Variants in ADGRE3 observed in about 807,000 individuals in gnomAD.
ADGRE3 encodes the protein EGF-like module receptor 3.
ADGRE3 carries 88 observed loss-of-function variants against 80.1 expected under a neutral mutation model. The observed-to-expected ratio is 1.10, with a 90% CI of 0.93 to 1.31. ADGRE3 has a LOEUF of 1.31. ADGRE3 is among the 40% of genes most tolerant of loss of function. ADGRE3 has a pLI of 0.00. For synonymous variants in ADGRE3, 281 were observed against 294.8 expected, an observed-to-expected ratio of 0.95 and a Z score of 0.48; for missense variants, 715 against 776.5, an observed-to-expected ratio of 0.92 and a Z score of 0.94.
chr19:14,641,295 G>T, intron 10 of ADGRE3, 124 bp downstream of exon 10: 1 of 1,215,042 alleles, frequency 8.2e-7, no homozygotes, highest in East Asian at 2.5e-5. Flanking sequence ...AGGGTAGCGG[G>T]AAAATTATAT....
At chr19:14,605,343 G>A in the ADGRE3 span, among the ~76,000 whole-genome samples, 1 of 151,600 alleles carries the variant, frequency 6.6e-6, no homozygotes, top group Admixed American at 6.6e-5. Flanking sequence ...TGATCCACCT[G>A]TGTTGGCCTC....
intron 10 of ADGRE3, among the ~76,000 whole-genome samples, chr19:14,639,701 C>T (rs1009388705): frequency 1.3e-5 from 2 of 152,094 alleles, no homozygotes; most frequent in Non-Finnish European, 2.9e-5. Context: ...CAGGTGTCAG[C>T]CACTGTGTCT....
intron 6 of ADGRE3, 84 bp from the exon 7 acceptor site, chr19:14,651,288 G>A: frequency 6.9e-7 from 1 of 1,455,238 alleles, no homozygotes; most frequent in Non-Finnish European, 9.6e-7. Flanking sequence ...GGTGGTGCAT[G>A]CCTGTAGTCC....
At chr19:14,617,354 C>CTTTCT (rs1568469504), downstream of ADGRE3, among the ~76,000 whole-genome samples, 1 of 82,166 alleles carries the variant, frequency 1.2e-5, no homozygotes, top group Admixed American at 1.8e-4. Context: ...TTCTTTCTTT[C>CTTTCT]TTTCTTTCTT....
At chr19:14,618,863 AAAAAAAAAT>A (rs1188507919), downstream of ADGRE3, among the ~76,000 whole-genome samples, 1,023 of 150,912 alleles carry the variant, frequency 6.8e-3, 15 homozygotes, top group African/African-American at 0.024. Context: ...AAAAAAAAAA[AAAAAAAAAT>A]TAGCCTGTAT....
chr19:14,616,239 G>C (rs1296062942), downstream of ADGRE3, among the ~76,000 whole-genome samples: 3 of 152,048 alleles, frequency 2.0e-5, no homozygotes, highest in African/African-American at 7.2e-5. Context: ...CAAAGTGCTA[G>C]GATTACAGGT....
At position 14,663,398 on chromosome 19, in the gene ADGRE3, AAAT is replaced by A; in HGVS notation, c.199+17_199+19del. Reference sequence around the variant, plus strand: ...ATGATAATAAAATAATAATAATAAAAAATAATAATACTTCTTTACCGTTACATG... The same window carrying A: ...ATGATAATAAAATAATAATAATAAAAAATAATACTTCTTTACCGTTACATG... On this transcript the variant is annotated intron_variant, in intron 3 of 15. Coordinates refer to ENST00000253673, the MANE Select transcript of ADGRE3 (RefSeq NM_032571.5). 7.0e-7 allele frequency: 1 copy of A among 1,419,428 alleles called. No homozygotes were observed. Among genetic ancestry groups the A allele is most frequent in the Non-Finnish European group, 9.4e-7 (1 of 1,067,562 alleles). 87.9% of individuals were successfully genotyped at this position (1,419,428 alleles called of 1,614,324 possible).
At chr19:14,666,312 T>G (rs1972104981) in intron 2 of ADGRE3, among the ~76,000 whole-genome samples, 1 of 151,778 alleles carries the variant, frequency 6.6e-6, no homozygotes, top group African/African-American at 2.4e-5. Flanking sequence ...GGTATTGCAT[T>G]GTGATTTCGA....
chr19:14,661,184 T>C (rs1320833794), intron 4 of ADGRE3, among the ~76,000 whole-genome samples: 6 of 152,152 alleles, frequency 3.9e-5, no homozygotes, highest in Non-Finnish European at 8.8e-5. Context: ...TCGAGTGATC[T>C]ACCCGCCTTG....
At chr19:14,666,132 C>T (rs1003291982) in intron 2 of ADGRE3, among the ~76,000 whole-genome samples, 1 of 150,740 alleles carries the variant, frequency 6.6e-6, no homozygotes, top group Admixed American at 6.6e-5. Context: ...GTGGGATTCC[C>T]GGATCAAATG....
intron 8 of ADGRE3, among the ~76,000 whole-genome samples, chr19:14,646,389 C>A (rs1298678699): frequency 6.6e-6 from 1 of 152,212 alleles, no homozygotes. Flanking sequence ...GCTGGGATTA[C>A]AGGTGTGACC....
chr19:14,641,312 C>T (rs1971240230), intron 10 of ADGRE3, 107 bp downstream of exon 10: 1 of 1,363,906 alleles, frequency 7.3e-7, no homozygotes, highest in Non-Finnish European at 1.0e-6. Flanking sequence ...ATATTTTTCT[C>T]CTCTACAGAC....
intron 10 of ADGRE3, among the ~76,000 whole-genome samples, chr19:14,639,318 C>T (rs1971184243): frequency 6.6e-6 from 1 of 151,966 alleles, no homozygotes; most frequent in African/African-American, 2.4e-5. Context: ...CATTGTACCC[C>T]ATAATTTTAT....
At chr19:14,667,586 A>C (rs1162388781) in intron 2 of ADGRE3, among the ~76,000 whole-genome samples, 1 of 152,166 alleles carries the variant, frequency 6.6e-6, no homozygotes, top group Non-Finnish European at 1.5e-5. Context: ...AAACTATCAG[A>C]AGGACAGAAA....
At chr19:14,658,122 T>A (rs1971826298) in intron 5 of ADGRE3, among the ~76,000 whole-genome samples, 1 of 152,084 alleles carries the variant, frequency 6.6e-6, no homozygotes, top group Admixed American at 6.6e-5. Flanking sequence ...TGTAAGTGGA[T>A]CCCCGCAGTT....
Position 14,651,074 on chromosome 19 carries a change from A to G in ADGRE3, c.697+11T>C. On this transcript the variant is annotated intron_variant, in intron 7 of 15. Transcript: ENST00000253673. ...TGTGTGAAGGATTCTGAATGCAGCC[A>G]TCAGGCATACCTTGTGTGTCTCCCT... is the stretch of plus-strand genomic sequence containing the variant. 2 of 1,613,952 alleles carry G rather than the reference A, an allele frequency of 1.2e-6. No individual in the cohort carries two copies. Among genetic ancestry groups the G allele is most frequent in the Non-Finnish European group, 1.7e-6 (2 of 1,179,918 alleles).
chr19:14,662,068 C>G lies in ADGRE3; in HGVS notation c.250G>C (p.Val84Leu). Residue 84 changes from valine to leucine, a missense_variant, in exon 4 of 16, where the codon GTG (valine) becomes CTG (leucine). Physicochemically the swap from Val to Leu is conservative, Grantham distance 32 (BLOSUM62 1). Transcript: ENST00000253673. Reference protein sequence around the residue: ...PYSVYCGFNAVCYNVEGSFYC... With the variant: ...PYSVYCGFNALCYNVEGSFYC... ...AAACTTCCTTCGACATTGTAACACA[C>G]AGCGTTAAATCCACAATATACACTA... 1 of 1,614,178 alleles carries G rather than the reference C, an allele frequency of 6.2e-7. No individual in the cohort carries two copies. The highest frequency in any genetic ancestry group is 8.5e-7 in the Non-Finnish European group (1 of 1,180,006).
In ADGRE3 at chr19:14,663,490, AG is replaced by A. The variant is rs760190988; in HGVS notation, c.126del (p.Cys43AlafsTer131). On this transcript the variant is annotated frameshift_variant, in exon 3 of 16. Coordinates refer to ENST00000253673, the MANE Select transcript of ADGRE3 (RefSeq NM_032571.5). LOFTEE classifies it high-confidence loss of function. ...PPNASCVNNT[H>X]CTCNHGYTSG... The stretch of plus-strand genomic sequence containing the variant: ...GAAGTATATCCATGGTTGCAGGTGC[AG>A]TGAGTGTTATTGACACAGGAAGCAT... The A allele has an allele frequency of 1.4e-5, 23 of 1,613,582 alleles. No individual in the cohort carries two copies. Among genetic ancestry groups the A allele is most frequent in the Non-Finnish European group, 1.9e-5 (22 of 1,179,628 alleles).
rs559324340 is a variant in ADGRE3, at chr19:14,674,498, A to AAAAAC, written c.25+243_25+247dup. 4.2e-5 allele frequency among the ~76,000 whole-genome samples: 6 copies of AAAAAC among 143,184 alleles called. No individual in the cohort carries two copies. The South Asian group carries it at 8.3e-4, about 20-fold the overall frequency. 93.9% of individuals were successfully genotyped at this position (143,184 alleles called of 152,430 possible). On this transcript the variant is annotated intron_variant, in intron 1 of 15. Transcript: ENST00000253673. ...GGTGACAGAGTGAGATTCTGTCTCA[A>AAAAAC]AAAACAAAACAAAACAAACAAACAA... is the stretch of plus-strand genomic sequence containing the variant.
Sources: gnomAD v4.1 joint callset for allele counts (sites outside exome capture counted in the v4.1 genomes callset) on GRCh38, gnomAD v4.1.1 for gene constraint, MANE v1.5 for transcripts, NCBI Gene and HGNC (gene_info 2026-07-23, HGNC 2026-07-21) for gene names.